Variants in ANKHD1 observed in about 807,000 individuals in gnomAD.
The protein encoded by ANKHD1 is ankyrin repeat and KH domain-containing protein 1.
Under a neutral mutation model 230.5 loss-of-function variants are expected in ANKHD1, and 31 were observed. That is an observed-to-expected ratio of 0.13 (90% CI 0.10 to 0.18). ANKHD1 has a LOEUF of 0.18. ANKHD1 is among the 10% of genes least tolerant of loss of function. The probability of loss-of-function intolerance (pLI) is 1.00; values close to 1 mark genes in which losing one functional copy is unlikely to be tolerated. For missense variants in ANKHD1, 2,256 were observed against 3,071.3 expected (o/e 0.73, Z 6.27); for synonymous variants, 1,074 against 1,117.6 (o/e 0.96, Z 0.78).
chr5:140,493,969 T>C (rs1350555954), intron 14 of ANKHD1, among the ~76,000 whole-genome samples: 1 of 152,194 alleles, frequency 6.6e-6, no homozygotes, highest in Non-Finnish European at 1.5e-5. Context: ...GTCTGGTTAG[T>C]GTTGAACTCT....
chr5:140,519,034 A>G (rs958142363), intron 24 of ANKHD1, among the ~76,000 whole-genome samples: 1 of 151,992 alleles, frequency 6.6e-6, no homozygotes, highest in Admixed American at 6.6e-5. Flanking sequence ...TATCTAGAAA[A>G]CCCCATTGTC....
chr5:140,427,708 C>T (rs1772626898), intron 1 of ANKHD1, among the ~76,000 whole-genome samples: 1 of 146,578 alleles, frequency 6.8e-6, no homozygotes, highest in Admixed American at 6.7e-5. Flanking sequence ...TCCTCACTTC[C>T]CAGTAGGGGC....
chr5:140,504,752 G>T, intron 15 of ANKHD1, 69 bp from the exon 16 acceptor site: 4 of 1,544,508 alleles, frequency 2.6e-6, no homozygotes, highest in South Asian at 1.3e-5. Context: ...TTCTGTTTTT[G>T]TGTTTTTCTA....
intron 10 of ANKHD1, among the ~76,000 whole-genome samples, chr5:140,477,252 A>G (rs1751019658): frequency 6.6e-6 from 1 of 152,236 alleles, no homozygotes; most frequent in African/African-American, 2.4e-5. Flanking sequence ...TACCATCCAA[A>G]TAAAATATAA....
intron 1 of ANKHD1, among the ~76,000 whole-genome samples, chr5:140,415,871 T>C (rs1453284139): frequency 1.3e-5 from 2 of 152,154 alleles, no homozygotes; most frequent in Non-Finnish European, 2.9e-5. Flanking sequence ...ATGTGCCATG[T>C]TGGTGTGCTG....
intron 15 of ANKHD1, among the ~76,000 whole-genome samples, chr5:140,500,665 A>AGAAAAAG (rs1554092037): frequency 1.7e-5 from 2 of 115,498 alleles, no homozygotes; most frequent in African/African-American, 6.3e-5. Flanking sequence ...AAAAAAAAAA[A>AGAAAAAG]AAAAGAAAAG....
chr5:140,459,310 T>A lies in ANKHD1; in HGVS notation c.1627T>A (p.Ser543Thr). ...CTGCTCCACACCTCTGATGGAGGCA[T>A]CTCAGGAGGGACACCTGGAATTGGT... ...LGCSTPLMEA[S>T]QEGHLELVKY... The change falls in exon 9 of 34, where the codon TCT becomes ACT. Residue 543 changes from serine to threonine, a missense_variant. Ser to Thr is a moderately conservative substitution (Grantham distance 58). Transcript: ENST00000360839. The A allele has an allele frequency of 6.3e-7, 1 of 1,586,628 alleles. No homozygotes were observed. Among genetic ancestry groups the A allele is most frequent in the Non-Finnish European group, 8.6e-7 (1 of 1,161,670 alleles).
chr5:140,529,834 TC>T, intron 29 of ANKHD1, 38 bp downstream of exon 29: 1 of 1,600,544 alleles, frequency 6.2e-7, no homozygotes, highest in Non-Finnish European at 8.5e-7. Context: ...AGTTTGGAGC[TC>T]CTATGGCCTA....
chr5:140,521,447 C>G (rs1753345605), intron 24 of ANKHD1, among the ~76,000 whole-genome samples: 1 of 151,510 alleles, frequency 6.6e-6, no homozygotes, highest in Non-Finnish European at 1.5e-5. Flanking sequence ...CCAGCCTGGG[C>G]AACATAGTTG....
Position 140,485,009 on chromosome 5 carries a change from G to A in ANKHD1, c.1871-112G>A. 7.1e-7 allele frequency: 1 copy of A among 1,403,558 alleles called. No homozygotes were observed. Among genetic ancestry groups the A allele is most frequent in the South Asian group, 1.6e-5 (1 of 62,804 alleles). 86.9% of individuals were successfully genotyped at this position (1,403,558 alleles called of 1,614,324 possible). ...ATTCAAACTATACACTTAATGATTT[G>A]TATATTTTTTTGTATCTACATTATA... On this transcript the variant is annotated intron_variant, in intron 11 of 33. Coordinates refer to ENST00000360839, the MANE Select transcript of ANKHD1 (RefSeq NM_017747.3). This position sits in a 1 kb window ranked among gnomAD's most constrained non-coding sequence, Gnocchi z 4.8.
rs2085119286 is a variant in ANKHD1 at position 140,491,321 on chromosome 5, C to T, written c.2245+4261C>T. Among the ~76,000 whole-genome samples the T allele has an allele frequency of 2.0e-5, 3 of 150,886 alleles. No homozygotes were observed. In the South Asian group the frequency reaches 6.3e-4, roughly 32 times the overall value. ...TGGGACTACAGGTGCCCTGCCACTA[C>T]ACTTGGCTAATTTTTTGTATTTTGG... On this transcript the variant is annotated intron_variant, in intron 14 of 33. Transcript: ENST00000360839.
At chr5:140,513,551 A>G (rs1200219082) in intron 24 of ANKHD1, 72 bp downstream of exon 24, 6 of 1,497,462 alleles carry the variant, frequency 4.0e-6, no homozygotes, top group Admixed American at 1.9e-5. Flanking sequence ...GCTCACGCCT[A>G]TGATCCCAGC....
intron 1 of ANKHD1, among the ~76,000 whole-genome samples, chr5:140,424,360 T>G (rs1368267291): frequency 6.6e-6 from 1 of 152,176 alleles, no homozygotes; most frequent in Non-Finnish European, 1.5e-5. Context: ...CATGGTTCAC[T>G]GTAGCCTTGA....
At chr5:140,508,818 A>G (rs1752645042) in intron 20 of ANKHD1, among the ~76,000 whole-genome samples, 1 of 145,220 alleles carries the variant, frequency 6.9e-6, no homozygotes, top group South Asian at 2.2e-4. Context: ...ATCTCCATAG[A>G]TGCAGGAAAC....
intron 5 of ANKHD1, among the ~76,000 whole-genome samples, chr5:140,444,466 C>G (rs759322453): frequency 6.6e-6 from 1 of 152,128 alleles, no homozygotes; most frequent in Non-Finnish European, 1.5e-5. Flanking sequence ...TACTCCAAAG[C>G]AGTCAGTCTC....
intron 1 of ANKHD1, among the ~76,000 whole-genome samples, chr5:140,413,239 G>T (rs1216123306): frequency 1.3e-5 from 2 of 152,032 alleles, no homozygotes; most frequent in African/African-American, 4.8e-5. Flanking sequence ...TTAGATTTTG[G>T]TAAAATATTC....
intron 29 of ANKHD1, among the ~76,000 whole-genome samples, chr5:140,531,548 T>C (rs1753817548): frequency 6.6e-6 from 1 of 150,612 alleles, no homozygotes; most frequent in African/African-American, 2.4e-5. Flanking sequence ...GCCACAGCAC[T>C]CCAAGCCTGA....
intron 11 of ANKHD1, among the ~76,000 whole-genome samples, chr5:140,483,983 C>T (rs1368213725): frequency 2.0e-5 from 3 of 152,150 alleles, no homozygotes; most frequent in African/African-American, 7.2e-5. Flanking sequence ...CAACAACCTG[C>T]TAAGAATATA....
At chr5:140,420,686 C>G (rs1215500667) in intron 1 of ANKHD1, among the ~76,000 whole-genome samples, 1 of 152,184 alleles carries the variant, frequency 6.6e-6, no homozygotes, top group South Asian at 2.1e-4. Flanking sequence ...ATTCATTGAT[C>G]TATATGTCTC....
Sources: allele counts gnomAD v4.1 joint callset (sites outside exome capture counted in the v4.1 genomes callset), GRCh38; gene constraint gnomAD v4.1.1; non-coding constraint Gnocchi (gnomAD v3.1); transcripts MANE v1.5; gene names NCBI Gene and HGNC (gene_info 2026-07-23, HGNC 2026-07-21).